RHOU: variants seen among roughly 807,000 people sequenced by gnomAD.
The protein encoded by RHOU is rho-related GTP-binding protein RhoU.
A neutral mutation model predicts 12.6 loss-of-function variants in RHOU; 8 were observed. The observed-to-expected ratio is 0.64, with a 90% CI of 0.37 to 1.15. The LOEUF (loss-of-function observed/expected upper bound fraction) is 1.15, where lower values mean the gene tolerates loss of function less well. RHOU is among the 50% of genes most tolerant of loss of function. The probability of loss-of-function intolerance (pLI) is 0.01; values close to 1 mark genes in which losing one functional copy is unlikely to be tolerated. For missense variants in RHOU, 258 were observed against 347.0 expected, an observed-to-expected ratio of 0.74 and a Z score of 2.04; for synonymous variants, 161 against 147.4, an observed-to-expected ratio of 1.09 and a Z score of -0.67.
the RHOU span, among the ~76,000 whole-genome samples, chr1:228,703,943 C>A: frequency 0.026 from 3,976 of 152,178 alleles, 185 homozygotes; most frequent in African/African-American, 0.09. Flanking sequence ...AAGTGACATA[C>A]CTCCCTCACA....
upstream of RHOU, among the ~76,000 whole-genome samples, chr1:228,734,370 C>T (rs1662549826): frequency 6.6e-6 from 1 of 152,104 alleles, no homozygotes. Flanking sequence ...ATCATACTGA[C>T]TTATTTTTGC....
In RHOU at chr1:228,745,659, T is replaced by C. The variant is rs1445818005; in HGVS notation, c.*1919T>C. The stretch of plus-strand genomic sequence containing the variant: ...GTTACAACCTGAAGGAATAAAATGA[T>C]TTGTGGAAATGCTTAAAATAGACCT... On this transcript the variant is annotated 3_prime_UTR_variant, in exon 3 of 3. Transcript: ENST00000366691. The C allele has an allele frequency of 6.6e-6, 1 of 152,184 alleles. No individual in the cohort carries two copies. Among genetic ancestry groups the C allele is most frequent in the Non-Finnish European group, 1.5e-5 (1 of 68,040 alleles). The allele number at this position is 152,184 out of a possible 1,614,324, so 9.4% of individuals were successfully genotyped here.
the RHOU span, among the ~76,000 whole-genome samples, chr1:228,671,528 C>G: frequency 6.6e-6 from 1 of 151,582 alleles, no homozygotes; most frequent in East Asian, 1.9e-4. Flanking sequence ...ATCAGCCTGG[C>G]CAATGTGGTG....
At chr1:228,647,822 T>C in the RHOU span, 3 of 152,186 alleles carry the variant, frequency 2.0e-5, no homozygotes, top group Non-Finnish European at 4.4e-5. Flanking sequence ...TGTGTGGGCT[T>C]GGGCGTGTGA....
intron 2 of RHOU, among the ~76,000 whole-genome samples, chr1:228,740,874 T>C (rs1662706626): frequency 6.6e-6 from 1 of 152,026 alleles, no homozygotes. Context: ...TTAGGGAGGG[T>C]AGGCGAGTCT....
the RHOU span, among the ~76,000 whole-genome samples, chr1:228,709,972 G>A: frequency 6.6e-6 from 1 of 152,138 alleles, no homozygotes; most frequent in African/African-American, 2.4e-5. Context: ...AAATGATAAA[G>A]GGGATATCAC....
the RHOU span, chr1:228,687,949 T>C: frequency 1.5e-6 from 1 of 680,740 alleles, no homozygotes; most frequent in Non-Finnish European, 2.7e-6. Context: ...CTCTGTCCCT[T>C]CCTTCCTTCT....
upstream of RHOU, among the ~76,000 whole-genome samples, chr1:228,731,201 T>A (rs764982874): frequency 5.3e-5 from 8 of 152,162 alleles, no homozygotes; most frequent in Non-Finnish European, 1.0e-4. Flanking sequence ...AATCAGTAGA[T>A]GATTTCACTA....
At chr1:228,675,032 TA>T in the RHOU span, among the ~76,000 whole-genome samples, 3,067 of 152,302 alleles carry the variant, frequency 0.02, 105 homozygotes, top group African/African-American at 0.07. Context: ...CCTGGCCTCC[TA>T]TATTATATTC....
At chr1:228,679,741 A>T in the RHOU span, among the ~76,000 whole-genome samples, 3 of 151,946 alleles carry the variant, frequency 2.0e-5, no homozygotes, top group African/African-American at 7.3e-5. Flanking sequence ...GATCGGGGTA[A>T]GGGTGATTAG....
chr1:228,673,714 C>G, the RHOU span, among the ~76,000 whole-genome samples: 3 of 152,172 alleles, frequency 2.0e-5, no homozygotes, highest in Non-Finnish European at 4.4e-5. Flanking sequence ...CCTTCTCAGT[C>G]ATGCTTCCTG....
At chr1:228,680,918 A>G in the RHOU span, among the ~76,000 whole-genome samples, 2 of 152,134 alleles carry the variant, frequency 1.3e-5, no homozygotes, top group Non-Finnish European at 2.9e-5. Flanking sequence ...TCCATAGGGG[A>G]TCTTCTCAGG....
At chr1:228,705,131 A>T in the RHOU span, among the ~76,000 whole-genome samples, 3 of 151,822 alleles carry the variant, frequency 2.0e-5, no homozygotes, top group African/African-American at 7.3e-5. Context: ...ATGAGGGAAT[A>T]AAAGTATTGA....
chr1:228,698,741 T>C, the RHOU span, among the ~76,000 whole-genome samples: 2 of 152,240 alleles, frequency 1.3e-5, no homozygotes, highest in African/African-American at 4.8e-5. Flanking sequence ...TTTTGTCTGA[T>C]CATGAAGTAA....
chr1:228,669,736 C>T, the RHOU span, among the ~76,000 whole-genome samples: 54 of 152,080 alleles, frequency 3.6e-4, no homozygotes, highest in South Asian at 2.7e-3. Context: ...ATGGCATGAC[C>T]GTTTAGTATG....
chr1:228,677,249 T>G, the RHOU span, among the ~76,000 whole-genome samples: 1 of 152,106 alleles, frequency 6.6e-6, no homozygotes, highest in Non-Finnish European at 1.5e-5. Context: ...GGATGTGGTT[T>G]TGTATGAATT....
chr1:228,693,872 T>C, the RHOU span, among the ~76,000 whole-genome samples: 8,691 of 152,286 alleles, frequency 0.057, 331 homozygotes, highest in Non-Finnish European at 0.09. Flanking sequence ...TTTTACCCAA[T>C]AACAGGTGAT....
chr1:228,672,771 C>T, the RHOU span, among the ~76,000 whole-genome samples: 3 of 152,170 alleles, frequency 2.0e-5, no homozygotes, highest in Non-Finnish European at 4.4e-5. Flanking sequence ...CTTGCGTTGC[C>T]ATAGCATCCA....
At chr1:228,698,497 A>G in the RHOU span, among the ~76,000 whole-genome samples, 1 of 152,262 alleles carries the variant, frequency 6.6e-6, no homozygotes, top group Non-Finnish European at 1.5e-5. Context: ...TCTATTATTT[A>G]CCACCATTTT....
Sources: allele counts gnomAD v4.1 joint callset (sites outside exome capture counted in the v4.1 genomes callset), GRCh38; gene constraint gnomAD v4.1.1; transcripts MANE v1.5; gene names NCBI Gene and HGNC (gene_info 2026-07-23, HGNC 2026-07-21).